The following LRP1B variants were observed in gnomAD, a reference collection of about 807,000 sequenced individuals.
The protein encoded by LRP1B is LDL receptor related protein 1B.
A neutral mutation model predicts 556.6 loss-of-function variants in LRP1B; 217 were observed. The ratio of observed to expected loss-of-function variants is 0.39; its 90% CI spans 0.35 to 0.44. The LOEUF (loss-of-function observed/expected upper bound fraction) is 0.44, where lower values mean the gene tolerates loss of function less well. Among genes scored for constraint, LRP1B ranks in the 20% least tolerant of loss-of-function variants. The probability of loss-of-function intolerance (pLI) is 1.00; values close to 1 mark genes in which losing one functional copy is unlikely to be tolerated. For missense variants in LRP1B, 5,053 were observed against 5,620.8 expected (o/e 0.90, Z 3.23); for synonymous variants, 2,047 against 1,865.8 (o/e 1.10, Z -2.50).
intron 43 of LRP1B, among the ~76,000 whole-genome samples, chr2:140,595,503 A>C (rs561135550): frequency 6.6e-6 from 1 of 152,238 alleles, no homozygotes; most frequent in South Asian, 2.1e-4. Context: ...TTAATTCCAT[A>C]TCATTAATTA....
At chr2:141,152,810 G>A (rs1701957195) in intron 7 of LRP1B, among the ~76,000 whole-genome samples, 1 of 151,530 alleles carries the variant, frequency 6.6e-6, no homozygotes, top group African/African-American at 2.4e-5. Flanking sequence ...TATGGGCAAA[G>A]TACATTTTTA....
At chr2:140,682,315 T>C (rs932534669) in intron 41 of LRP1B, among the ~76,000 whole-genome samples, 2 of 152,218 alleles carry the variant, frequency 1.3e-5, no homozygotes, top group African/African-American at 4.8e-5. Flanking sequence ...TTTCTGCTGC[T>C]AAGATTTTCT....
chr2:140,881,065 G>A (rs1270439904), intron 25 of LRP1B, among the ~76,000 whole-genome samples: 1 of 151,966 alleles, frequency 6.6e-6, no homozygotes, highest in Non-Finnish European at 1.5e-5. Context: ...AATTTCAAAA[G>A]AAGTTTAAAT....
intron 2 of LRP1B, among the ~76,000 whole-genome samples, chr2:141,771,617 C>A (rs1442555271): frequency 6.6e-6 from 1 of 151,988 alleles, no homozygotes; most frequent in African/African-American, 2.4e-5. Flanking sequence ...TGATTTTATT[C>A]CCTATTGCTA....
At chr2:141,257,825 G>A (rs1217687076) in intron 3 of LRP1B, among the ~76,000 whole-genome samples, 1 of 152,220 alleles carries the variant, frequency 6.6e-6, no homozygotes, top group African/African-American at 2.4e-5. Context: ...AAATTTGGCA[G>A]ACTGTGAAAG....
chr2:141,271,003 G>T (rs1164331510), intron 3 of LRP1B, among the ~76,000 whole-genome samples: 1 of 151,870 alleles, frequency 6.6e-6, no homozygotes, highest in African/African-American at 2.4e-5. Context: ...AGTAAATGAA[G>T]CTATAAAGGG....
At chr2:140,966,901 T>C (rs1345648629) in intron 18 of LRP1B, among the ~76,000 whole-genome samples, 1 of 152,150 alleles carries the variant, frequency 6.6e-6, no homozygotes, top group Non-Finnish European at 1.5e-5. Context: ...CATTGGTCTG[T>C]ATCTCTGTTT....
chr2:141,797,098 G>T (rs1237937535), intron 2 of LRP1B, among the ~76,000 whole-genome samples: 2 of 134,832 alleles, frequency 1.5e-5, no homozygotes, highest in Admixed American at 1.6e-4. Context: ...TATAAAGAAG[G>T]TACCTAGTCA....
In LRP1B at chr2:141,802,578, T is replaced by C. The variant is rs77542911; in HGVS notation, c.205+7701A>G. ...TACTGAAAATTCCATAGGCAGAGAG[T>C]AGAGGTATTTCAGGGTAGAATGATG... On this transcript the variant is annotated intron_variant, in intron 2 of 90. Coordinates refer to ENST00000389484, the MANE Select transcript of LRP1B (RefSeq NM_018557.3). 2.9e-3 allele frequency among the ~76,000 whole-genome samples: 444 copies of C among 151,458 alleles called. 3 individuals are homozygous for C. The highest frequency in any genetic ancestry group is 9.8e-3 in the African/African-American group (403 of 41,286).
intron 2 of LRP1B, among the ~76,000 whole-genome samples, chr2:141,781,850 A>AGAT (rs34850788): frequency 6.6e-6 from 1 of 151,810 alleles, no homozygotes; most frequent in African/African-American, 2.4e-5. Flanking sequence ...ATGAGAACAA[A>AGAT]GATGATGATG....
chr2:140,343,822 C>T (rs1401607975), intron 77 of LRP1B, among the ~76,000 whole-genome samples: 1 of 151,162 alleles, frequency 6.6e-6, no homozygotes, highest in Non-Finnish European at 1.5e-5. Context: ...TGAAAGGGGA[C>T]AGAGAAAAAA....
rs2105322129 is a variant in LRP1B, at chr2:140,456,563, A to T, written c.9855T>A (p.Ser3285Arg). The change falls in exon 62 of 91, where the codon AGT becomes AGA. Residue 3285 changes from serine (S) to arginine (R), a missense_variant. Coordinates refer to ENST00000389484, the MANE Select transcript of LRP1B (RefSeq NM_018557.3). The part of the protein sequence containing the change: ...HLCMINNGGC[S>R]HLCLLAPGKT... ...TTCCAGGGGCTAAAAGGCACAAATG[A>T]CTGCAACCACCATTATTTATCATGC... 6.2e-7 allele frequency: 1 copy of T among 1,612,694 alleles called. No individual in the cohort carries two copies. The highest frequency in any genetic ancestry group is 8.5e-7 in the Non-Finnish European group (1 of 1,179,148).
intron 2 of LRP1B, among the ~76,000 whole-genome samples, chr2:141,638,349 C>A (rs1689176540): frequency 6.6e-6 from 1 of 152,084 alleles, no homozygotes; most frequent in Admixed American, 6.6e-5. Context: ...TTGTGTATAG[C>A]CCGCAGAACT....
chr2:141,853,005 T>C (rs1697917737), intron 1 of LRP1B, among the ~76,000 whole-genome samples: 1 of 151,556 alleles, frequency 6.6e-6, no homozygotes, highest in African/African-American at 2.4e-5. Context: ...AAAATGGAAA[T>C]AAAGAAAAAC....
At chr2:140,729,747 C>T (rs1185439564) in intron 35 of LRP1B, among the ~76,000 whole-genome samples, 1 of 152,152 alleles carries the variant, frequency 6.6e-6, no homozygotes, top group African/African-American at 2.4e-5. Flanking sequence ...GTTGCAGTTG[C>T]TTCTCAACCT....
At chr2:142,121,243 T>C (rs937909787) in intron 1 of LRP1B, among the ~76,000 whole-genome samples, 11 of 152,192 alleles carry the variant, frequency 7.2e-5, no homozygotes, top group African/African-American at 2.7e-4. Flanking sequence ...ACTGGATTCA[T>C]CATTTCCCTT....
At chr2:140,879,455 G>T (rs560150042) in intron 25 of LRP1B, among the ~76,000 whole-genome samples, 1 of 151,958 alleles carries the variant, frequency 6.6e-6, no homozygotes, top group African/African-American at 2.4e-5. Context: ...AAATTTTGTC[G>T]ATTTAAGTGA....
intron 1 of LRP1B, among the ~76,000 whole-genome samples, chr2:141,913,661 G>A (rs891596275): frequency 1.3e-5 from 2 of 152,232 alleles, no homozygotes; most frequent in Middle Eastern, 3.4e-3. Context: ...GGAAGATTTC[G>A]GTGTAGGTAG....
chr2:141,090,208 A>T (rs1202609017), intron 7 of LRP1B, among the ~76,000 whole-genome samples: 2 of 152,196 alleles, frequency 1.3e-5, no homozygotes, highest in Non-Finnish European at 2.9e-5. Context: ...ATATGTGGTT[A>T]GTTTATCAAG....
Sources: allele counts gnomAD v4.1 joint callset (sites outside exome capture counted in the v4.1 genomes callset), GRCh38; gene constraint gnomAD v4.1.1; transcripts MANE v1.5; gene names NCBI Gene and HGNC (gene_info 2026-07-23, HGNC 2026-07-21).